The following SERINC5 variants were observed in gnomAD, a reference collection of about 807,000 sequenced individuals.
The protein encoded by SERINC5 is serine incorporator 5.
Under a neutral mutation model 63.1 loss-of-function variants are expected in SERINC5, and 41 were observed. The observed-to-expected ratio is 0.65, with a 90% CI of 0.51 to 0.84. The LOEUF is 0.84. Among genes scored for constraint, SERINC5 ranks in the 40% least tolerant of loss-of-function variants. The pLI, the probability that SERINC5 is intolerant of heterozygous loss-of-function variation, is 0.00. For synonymous variants in SERINC5, 222 were observed against 215.2 expected (o/e 1.03, Z -0.28); for missense variants, 523 against 573.0 (o/e 0.91, Z 0.89).
chr5:80,132,569 A>C (rs373704923), intron 11 of SERINC5, among the ~76,000 whole-genome samples: 2 of 151,338 alleles, frequency 1.3e-5, no homozygotes, highest in East Asian at 1.9e-4. Context: ...GCCCAAATAA[A>C]CTCTTTACCT....
chr5:80,141,595 C>T lies in SERINC5; in HGVS notation c.*2068G>A. Reference sequence around the variant, plus strand: ...CCCAGGCTCTTTACCTGCTTCCCCTCAGGGTGTTTCCTAAAGACAACCCCC... The same window carrying T: ...CCCAGGCTCTTTACCTGCTTCCCCTTAGGGTGTTTCCTAAAGACAACCCCC... On this transcript the variant is annotated 3_prime_UTR_variant, in exon 12 of 12. Coordinates refer to ENST00000507668, the MANE Select transcript of SERINC5 (RefSeq NM_001174072.3). 1.0e-6 allele frequency: 1 copy of T among 985,578 alleles called. No homozygotes were observed. Among genetic ancestry groups the T allele is most frequent in the Non-Finnish European group, 1.2e-6 (1 of 830,046 alleles). The allele number at this position is 985,578 out of a possible 1,614,324, so 61.1% of individuals were successfully genotyped here. A position where few individuals can be genotyped will look rare whatever the true frequency, so the allele number is the denominator to read the frequency against.
At chr5:80,125,265 G>A (rs1293954353) in intron 11 of SERINC5, among the ~76,000 whole-genome samples, 1 of 152,102 alleles carries the variant, frequency 6.6e-6, no homozygotes, top group Non-Finnish European at 1.5e-5. Context: ...CCACATAAAC[G>A]AACAATTACA....
At chr5:80,232,105 A>T (rs1161387934) in intron 1 of SERINC5, among the ~76,000 whole-genome samples, 66 of 54,110 alleles carry the variant, frequency 1.2e-3, no homozygotes, top group African/African-American at 9.4e-3. Flanking sequence ...CTGTCTTAAA[A>T]AAAAAAAAAA....
chr5:80,232,955 G>A lies in SERINC5; in HGVS notation c.27+22941C>T, dbSNP rs962522248. On this transcript the variant is annotated intron_variant, in intron 1 of 11. Transcript: ENST00000507668. ...CAGCAAGTAGATTAACAATTGCCAG[G>A]GCTCTGAGGGAGTTTGGGAGGGAAC... 2.0e-5 allele frequency among the ~76,000 whole-genome samples: 3 copies of A among 152,126 alleles called. No individual in the cohort carries two copies. The South Asian group carries it at 6.2e-4, about 31-fold the overall frequency.
intron 7 of SERINC5, among the ~76,000 whole-genome samples, chr5:80,162,691 C>T (rs1170959884): frequency 1.3e-5 from 2 of 152,004 alleles, no homozygotes; most frequent in Non-Finnish European, 2.9e-5. Flanking sequence ...TTAAGTTTTT[C>T]ATCAATGTTT....
rs80178249 is a variant in SERINC5, at chr5:80,183,281, C to G, written c.196-5217G>C. 1.3e-5 allele frequency among the ~76,000 whole-genome samples: 2 copies of G among 152,100 alleles called. 1 individual carries two copies. The highest frequency in any genetic ancestry group is 3.9e-4 in the East Asian group (2 of 5,180). On this transcript the variant is annotated intron_variant, in intron 2 of 11. Coordinates refer to ENST00000507668, the MANE Select transcript of SERINC5 (RefSeq NM_001174072.3). The stretch of plus-strand genomic sequence containing the variant: ...TTTTCTTCTTTTTTTATGGCATTGC[C>G]GTTTGGGGTGGAGGGAGGGTGGAGG...
intron 1 of SERINC5, among the ~76,000 whole-genome samples, chr5:80,223,189 GATTTTATAAGGCATATAGCTATCCCT>G (rs1304756507): frequency 6.6e-6 from 1 of 152,168 alleles, no homozygotes; most frequent in Non-Finnish European, 1.5e-5. Flanking sequence ...ATATGCCTGG[GATTTTATAAGGCATATAGCTATCCCT>G]CAGTATCTGC....
At chr5:80,111,614 A>T (rs1438092619), downstream of SERINC5, 4 of 152,194 alleles carry the variant, frequency 2.6e-5, no homozygotes, top group African/African-American at 9.6e-5. Context: ...CAGCTTGCAC[A>T]AGTTAATTCC....
At chr5:80,235,936 CTG>C (rs1751668459) in intron 1 of SERINC5, among the ~76,000 whole-genome samples, 1 of 152,140 alleles carries the variant, frequency 6.6e-6, no homozygotes, top group Non-Finnish European at 1.5e-5. Flanking sequence ...CTACGAATAA[CTG>C]TGTGTCATGC....
At chr5:80,147,127 G>T in intron 10 of SERINC5, 118 bp downstream of exon 10, 1 of 913,190 alleles carries the variant, frequency 1.1e-6, no homozygotes, top group Non-Finnish European at 1.7e-6. Context: ...GTCAGCTTTA[G>T]AATAAAACTT....
At chr5:80,164,101 T>A (rs949279134) in intron 7 of SERINC5, among the ~76,000 whole-genome samples, 2 of 152,206 alleles carry the variant, frequency 1.3e-5, no homozygotes, top group Non-Finnish European at 2.9e-5. Flanking sequence ...TCCAGAAATG[T>A]ATCCATTTCC....
chr5:80,127,085 T>A (rs1480680004), intron 11 of SERINC5, among the ~76,000 whole-genome samples: 1 of 152,168 alleles, frequency 6.6e-6, no homozygotes, highest in Non-Finnish European at 1.5e-5. Context: ...TAAGAATTTT[T>A]TAAAAACCTC....
chr5:80,118,637 T>TC (rs1744424758), intron 11 of SERINC5, among the ~76,000 whole-genome samples: 1 of 151,552 alleles, frequency 6.6e-6, no homozygotes, highest in Non-Finnish European at 1.5e-5. Flanking sequence ...AACCTCTGCC[T>TC]CCCAGGCTCA....
intron 1 of SERINC5, among the ~76,000 whole-genome samples, chr5:80,206,705 A>G (rs1750181405): frequency 6.6e-6 from 1 of 151,454 alleles, no homozygotes; most frequent in Non-Finnish European, 1.5e-5. Flanking sequence ...ACATGCCCCA[A>G]TTTTAAACAC....
At chr5:80,164,595 G>T (rs1402859585) in intron 7 of SERINC5, among the ~76,000 whole-genome samples, 1 of 151,932 alleles carries the variant, frequency 6.6e-6, no homozygotes, top group African/African-American at 2.4e-5. Context: ...TGTTGCCCAG[G>T]CTGGTCTCAA....
At chr5:80,165,423 A>G (rs535992155) in intron 7 of SERINC5, among the ~76,000 whole-genome samples, 6 of 152,270 alleles carry the variant, frequency 3.9e-5, no homozygotes, top group African/African-American at 1.4e-4. Flanking sequence ...AATATACTCA[A>G]ACATACATTT....
chr5:80,117,291 T>C (rs1333962104), intron 11 of SERINC5, among the ~76,000 whole-genome samples: 1 of 152,136 alleles, frequency 6.6e-6, no homozygotes, highest in Non-Finnish European at 1.5e-5. Flanking sequence ...CTCACCTCTC[T>C]GAGCCTCAGT....
chr5:80,119,516 T>G (rs995194798), intron 11 of SERINC5, among the ~76,000 whole-genome samples: 2 of 152,236 alleles, frequency 1.3e-5, no homozygotes, highest in Non-Finnish European at 2.9e-5. Flanking sequence ...CACATAGAAC[T>G]AACTGCACTC....
At chr5:80,187,410 C>T (rs1254929445) in intron 2 of SERINC5, among the ~76,000 whole-genome samples, 2 of 152,146 alleles carry the variant, frequency 1.3e-5, no homozygotes, top group Non-Finnish European at 2.9e-5. Flanking sequence ...CATCTTCAAA[C>T]TTTCCAGGAT....
Sources: gnomAD v4.1 joint callset for allele counts (sites outside exome capture counted in the v4.1 genomes callset) on GRCh38, gnomAD v4.1.1 for gene constraint, MANE v1.5 for transcripts, NCBI Gene and HGNC (gene_info 2026-07-23, HGNC 2026-07-21) for gene names.